Variants in MAT1A observed in about 807,000 individuals in gnomAD.
MAT1A encodes S-adenosylmethionine synthase isoform type-1.
A neutral mutation model predicts 44.0 loss-of-function variants in MAT1A; 19 were observed. The observed-to-expected ratio is 0.43, with a 90% CI of 0.30 to 0.63. The LOEUF (loss-of-function observed/expected upper bound fraction) is 0.63. Among genes scored for constraint, MAT1A ranks in the 30% least tolerant of loss-of-function variants. The probability of loss-of-function intolerance (pLI) is 0.12; values close to 1 mark genes in which losing one functional copy is unlikely to be tolerated. For synonymous variants in MAT1A, 205 were observed against 205.6 expected, an observed-to-expected ratio of 1.00 and a Z score of 0.03; for missense variants, 397 against 531.0, an observed-to-expected ratio of 0.75 and a Z score of 2.48.
intron 2 of MAT1A, 149 bp downstream of exon 2, chr10:80,285,363 G>A: frequency 2.8e-6 from 2 of 706,992 alleles, no homozygotes; most frequent in East Asian, 2.6e-5. Context: ...TACTACACAG[G>A]GGAGGTCTCA....
intron 6 of MAT1A, among the ~76,000 whole-genome samples, chr10:80,275,713 A>T (rs1841476650): frequency 6.6e-6 from 1 of 152,222 alleles, no homozygotes; most frequent in African/African-American, 2.4e-5. Flanking sequence ...TCATACTAGT[A>T]TGTCTAGGCT....
intron 5 of MAT1A, among the ~76,000 whole-genome samples, chr10:80,278,589 A>G (rs1841520586): frequency 6.6e-6 from 1 of 152,244 alleles, no homozygotes; most frequent in Non-Finnish European, 1.5e-5. Context: ...CACCCAAGGA[A>G]TGCTGATGGT....
rs1292816426 is a variant in MAT1A, at chr10:80,274,635, C to A, written c.970G>T (p.Val324Leu). 2 of 1,614,100 alleles carry A rather than the reference C, an allele frequency of 1.2e-6. No homozygotes were observed. Among genetic ancestry groups the A allele is most frequent in the Non-Finnish European group, 1.7e-6 (2 of 1,180,048 alleles). Residue 324 changes from valine (V) to leucine (L), a missense_variant, in exon 8 of 9, where the codon GTG becomes TTG. Coordinates refer to ENST00000372213, the MANE Select transcript of MAT1A (RefSeq NM_000429.3). ...VLVQVSYAIG[V>L]AEPLSISIFT... The stretch of plus-strand genomic sequence containing the variant: ...ATGGAAATGGACAGCGGCTCGGCCA[C>A]ACCAATGGCATAGGAAACCTTCCAG...
rs952902027 is a variant in MAT1A, at chr10:80,280,153, G to T, written c.549+20C>A. 6.2e-7 allele frequency: 1 copy of T among 1,613,874 alleles called. No individual in the cohort carries two copies. Among genetic ancestry groups the T allele is most frequent in the East Asian group, 2.2e-5 (1 of 44,868 alleles). ...TAAAGCTTCTGTCTAGGGCTCTCCT[G>T]GGGTAATTCAGCTGCTCACCTGAGT... On this transcript the variant is annotated intron_variant, in intron 5 of 8. Coordinates refer to ENST00000372213, the MANE Select transcript of MAT1A (RefSeq NM_000429.3).
In MAT1A at chr10:80,272,730, C is replaced by T. The variant is rs1841426853; in HGVS notation, c.*1051G>A. On this transcript the variant is annotated 3_prime_UTR_variant, in exon 9 of 9. Coordinates refer to ENST00000372213, the MANE Select transcript of MAT1A (RefSeq NM_000429.3). ...ACTTAGACCACTTACCCCAGAAGTCCAAAAACCCAATCTCTGCATGTCTCT... is the reference window on the plus strand; with the variant it reads ...ACTTAGACCACTTACCCCAGAAGTCTAAAAACCCAATCTCTGCATGTCTCT... The T allele has an allele frequency of 6.6e-6, 1 of 152,258 alleles. No individual in the cohort carries two copies. Among genetic ancestry groups the T allele is most frequent in the Non-Finnish European group, 1.5e-5 (1 of 68,162 alleles). The allele number at this position is 152,258 out of a possible 1,614,324, so 9.4% of individuals were successfully genotyped here. A position where few individuals can be genotyped will look rare whatever the true frequency, so the allele number is the denominator to read the frequency against.
intron 5 of MAT1A, 140 bp downstream of exon 5, chr10:80,280,033 A>C (rs1841541559): frequency 9.9e-7 from 1 of 1,005,924 alleles, no homozygotes; most frequent in Admixed American, 2.2e-5. Context: ...TCACATAAAT[A>C]GTTCTTTTCA....
rs562019467 is a variant in MAT1A, at chr10:80,274,964, C to T, written c.951+53G>A. The T allele has an allele frequency of 9.1e-5, 140 of 1,537,072 alleles. No individual in the cohort carries two copies. In the East Asian group the frequency reaches 2.9e-3, roughly 32 times the overall value. ...CAACATCCCCTCACTCAGGGCAGAA[C>T]TGGGCAGGGGTCCTCCACTGCAACA... On this transcript the variant is annotated intron_variant, in intron 7 of 8. Transcript: ENST00000372213.
chr10:80,274,019 T>C (rs1019775547), intron 8 of MAT1A, 136 bp from the exon 9 acceptor site: 2 of 721,898 alleles, frequency 2.8e-6, no homozygotes, highest in Non-Finnish European at 5.1e-6. Flanking sequence ...CCCACCGCAG[T>C]TGCGCGCACC....
At chr10:80,282,141 G>A (rs1841575286) in intron 3 of MAT1A, among the ~76,000 whole-genome samples, 2 of 152,152 alleles carry the variant, frequency 1.3e-5, no homozygotes, top group Admixed American at 1.3e-4. Flanking sequence ...GTTCTGCACT[G>A]AACATTTCAG....
intron 1 of MAT1A, among the ~76,000 whole-genome samples, chr10:80,288,709 T>G (rs1841680915): frequency 6.6e-6 from 1 of 152,152 alleles, no homozygotes; most frequent in Non-Finnish European, 1.5e-5. Context: ...CAAAATTTAG[T>G]CACCCATGGT....
Position 80,275,676 on chromosome 10 carries a change from C to T in MAT1A, c.769-477G>A, listed in dbSNP as rs146838928. ...AATGATTTGGGGAAGTCTGCCTGCT[C>T]TACTCCCCCTTTTAGAGATCCACAG... On this transcript the variant is annotated intron_variant, in intron 6 of 8. Coordinates refer to ENST00000372213, the MANE Select transcript of MAT1A (RefSeq NM_000429.3). 2.6e-5 allele frequency among the ~76,000 whole-genome samples: 4 copies of T among 152,342 alleles called. No homozygotes were observed. The East Asian group carries it at 7.7e-4, about 29-fold the overall frequency.
In MAT1A at chr10:80,285,528, A is replaced by G. The variant is rs766580389; in HGVS notation, c.153T>C (p.Asn51=). The change falls in exon 2 of 9, where the codon AAT becomes AAC. Residue 51 remains asparagine (N), a synonymous_variant. Coordinates refer to ENST00000372213, the MANE Select transcript of MAT1A (RefSeq NM_000429.3). The part of the protein sequence containing the change: ...VLDAHLKQDP[N]AKVACETVCK... The stretch of plus-strand genomic sequence containing the variant: ...GTTTCTTACCACAGGCCACCTTGGC[A>G]TTGGGGTCTTGCTTGAGATGGGCAT... 3.1e-6 allele frequency: 5 copies of G among 1,614,100 alleles called. No homozygotes were observed. Among genetic ancestry groups the G allele is most frequent in the Middle Eastern group, 1.6e-4 (1 of 6,062 alleles).
chr10:80,288,459 T>C (rs1841677675), intron 1 of MAT1A, among the ~76,000 whole-genome samples: 1 of 152,200 alleles, frequency 6.6e-6, no homozygotes, highest in Non-Finnish European at 1.5e-5. Flanking sequence ...TGTCCTACAC[T>C]TGAGGCTCTG....
rs559722784 is a variant in MAT1A, at chr10:80,274,573, C to T, written c.1032G>A (p.Glu344=). ...TYGTSQKTER[E]LLDVVHKNFD... is the part of the protein sequence containing the mutation. Reference sequence around the variant, plus strand: ...AGTTCTTATGCACCACATCCAGCAGCTCTCGCTCTGTCTTCTGAGAGGTTC... The same window carrying T: ...AGTTCTTATGCACCACATCCAGCAGTTCTCGCTCTGTCTTCTGAGAGGTTC... The change falls in exon 8 of 9, where the codon GAG becomes GAA. Residue 344 remains glutamate (E), a synonymous_variant. Transcript: ENST00000372213. The T allele has an allele frequency of 6.6e-5, 107 of 1,614,230 alleles. 3 individuals carry two copies. The South Asian group carries it at 1.1e-3, about 17-fold the overall frequency.
Position 80,272,907 on chromosome 10 carries a change from A to G in MAT1A, c.*874T>C, listed in dbSNP as rs1841429158. 1 of 152,214 alleles carries G rather than the reference A, an allele frequency of 6.6e-6. No homozygotes were observed. Among genetic ancestry groups the G allele is most frequent in the African/African-American group, 2.4e-5 (1 of 41,444 alleles). 9.4% of individuals were successfully genotyped at this position (152,214 alleles called of 1,614,324 possible). On this transcript the variant is annotated 3_prime_UTR_variant, in exon 9 of 9. Coordinates refer to ENST00000372213, the MANE Select transcript of MAT1A (RefSeq NM_000429.3). ...CTGTGGTTCTGTCTTCACTTTTCAG[A>G]CAATTGCCCACGGCTCAACAAGAGC...
intron 4 of MAT1A, 27 bp from the exon 5 acceptor site, chr10:80,280,343 C>A: frequency 6.2e-7 from 1 of 1,612,922 alleles, no homozygotes; most frequent in Non-Finnish European, 8.5e-7. Flanking sequence ...GGCTGAGCGG[C>A]GCCCACCCTA....
Position 80,284,053 on chromosome 10 carries a change from G to A in MAT1A, c.170-15C>T, listed in dbSNP as rs758530516. 8.1e-6 allele frequency: 13 copies of A among 1,613,530 alleles called. No homozygotes were observed. Among genetic ancestry groups the A allele is most frequent in the Non-Finnish European group, 1.1e-5 (13 of 1,179,782 alleles). On this transcript the variant is annotated splice_polypyrimidine_tract_variant and intron_variant, in intron 2 of 8. Transcript: ENST00000372213. Reference sequence around the variant, plus strand: ...GCACACTGTCTCTGAAAGGGAGCGGGGAGCGAGGAGAGTTAGCAGCCAAGT... The same window carrying A: ...GCACACTGTCTCTGAAAGGGAGCGGAGAGCGAGGAGAGTTAGCAGCCAAGT...
intron 3 of MAT1A, among the ~76,000 whole-genome samples, chr10:80,281,812 T>C (rs373559658): frequency 2.6e-5 from 4 of 152,228 alleles, no homozygotes; most frequent in East Asian, 1.9e-4. Context: ...CTGGGACTCC[T>C]TGAGCCAACA....
intron 1 of MAT1A, among the ~76,000 whole-genome samples, chr10:80,289,099 G>A (rs2132711955): frequency 6.6e-6 from 1 of 152,350 alleles, no homozygotes; most frequent in Middle Eastern, 3.4e-3. Context: ...TGAAGGGCTA[G>A]AAGAGGGAAT....
Sources: gnomAD v4.1 joint callset for allele counts (sites outside exome capture counted in the v4.1 genomes callset) on GRCh38, gnomAD v4.1.1 for gene constraint, MANE v1.5 for transcripts, NCBI Gene and HGNC (gene_info 2026-07-23, HGNC 2026-07-21) for gene names.